The following RBM20 variants were observed in gnomAD, a reference collection of about 807,000 sequenced individuals.
RBM20 encodes RNA binding motif protein 20.
In RBM20, 51 loss-of-function variants were observed where a neutral mutation model predicts 110.1. The ratio of observed to expected loss-of-function variants is 0.46; its 90% CI spans 0.37 to 0.59. The LOEUF (loss-of-function observed/expected upper bound fraction) is 0.59, where lower values mean the gene tolerates loss of function less well. Ranked by LOEUF, RBM20 falls within the 20% of genes least tolerant of loss-of-function variation. RBM20 has a pLI of 0.00. For missense variants in RBM20, 1,512 were observed against 1,574.9 expected (o/e 0.96, Z 0.68); for synonymous variants, 589 against 618.2 (o/e 0.95, Z 0.70).
intron 1 of RBM20, among the ~76,000 whole-genome samples, chr10:110,654,121 G>A (rs1306039745): frequency 6.6e-6 from 1 of 152,184 alleles, no homozygotes. Context: ...GCTACCATGA[G>A]ACCCTCTGAA....
chr10:110,785,137 T>C (rs1322134242), intron 5 of RBM20, among the ~76,000 whole-genome samples: 2 of 152,186 alleles, frequency 1.3e-5, no homozygotes, highest in African/African-American at 4.8e-5. Context: ...CCTCTCTGTG[T>C]GCCAGTCACC....
intron 1 of RBM20, among the ~76,000 whole-genome samples, chr10:110,721,456 A>G (rs1843505135): frequency 6.6e-6 from 1 of 152,134 alleles, no homozygotes; most frequent in African/African-American, 2.4e-5. Context: ...GCCGTTTCCC[A>G]TGGGCCTTGG....
In RBM20 at chr10:110,714,187, C is replaced by A. The variant is rs190290820; in HGVS notation, c.192-66614C>A. Among the ~76,000 whole-genome samples, 1,011 of 152,208 alleles carry A rather than the reference C, an allele frequency of 6.6e-3. 4 individuals carry two copies. Among genetic ancestry groups the A allele is most frequent in the Non-Finnish European group, 0.01 (693 of 68,000 alleles). ...GTTGGGATTAGGGAATGGTAGGAGA[C>A]CCTCTTAAGAAAGAAAAGAGTGTTC... On this transcript the variant is annotated intron_variant, in intron 1 of 13. Coordinates refer to ENST00000369519, the MANE Select transcript of RBM20 (RefSeq NM_001134363.3).
chr10:110,702,063 C>T (rs1305018201), intron 1 of RBM20, among the ~76,000 whole-genome samples: 1 of 152,216 alleles, frequency 6.6e-6, no homozygotes, highest in Non-Finnish European at 1.5e-5. Flanking sequence ...AGGCACTGTG[C>T]TTTTTAGGCC....
At chr10:110,797,927 G>A (rs1844573130) in intron 6 of RBM20, among the ~76,000 whole-genome samples, 1 of 152,070 alleles carries the variant, frequency 6.6e-6, no homozygotes, top group South Asian at 2.1e-4. Context: ...AAGGGTAATT[G>A]GCACCCAAAA....
At chr10:110,716,679 C>G (rs1380641440) in intron 1 of RBM20, among the ~76,000 whole-genome samples, 1 of 151,744 alleles carries the variant, frequency 6.6e-6, no homozygotes, top group Non-Finnish European at 1.5e-5. Context: ...TTTGGGAGAC[C>G]GAGGTGGGCA....
At chr10:110,808,789 C>G (rs767109834) in intron 7 of RBM20, among the ~76,000 whole-genome samples, 4 of 152,130 alleles carry the variant, frequency 2.6e-5, no homozygotes, top group Admixed American at 6.5e-5. Flanking sequence ...TCTATCTCAA[C>G]AATAACAGAT....
At chr10:110,788,816 A>C (rs1844451001) in intron 5 of RBM20, among the ~76,000 whole-genome samples, 1 of 152,210 alleles carries the variant, frequency 6.6e-6, no homozygotes, top group Non-Finnish European at 1.5e-5. Context: ...ATCACCCCAA[A>C]GATAAGGGGT....
intron 1 of RBM20, among the ~76,000 whole-genome samples, chr10:110,654,197 G>A (rs956674622): frequency 2.0e-5 from 3 of 152,144 alleles, no homozygotes; most frequent in South Asian, 2.1e-4. Context: ...TATTTAAGGA[G>A]CAATTGTAAT....
intron 1 of RBM20, among the ~76,000 whole-genome samples, chr10:110,660,383 C>T (rs1296773310): frequency 1.3e-5 from 2 of 152,138 alleles, no homozygotes; most frequent in Non-Finnish European, 2.9e-5. Flanking sequence ...TGCTTTATTT[C>T]TTCCACTTGT....
intron 1 of RBM20, among the ~76,000 whole-genome samples, chr10:110,749,317 A>G (rs925070621): frequency 1.2e-4 from 19 of 152,246 alleles, no homozygotes; most frequent in Admixed American, 9.2e-4. Flanking sequence ...GTCCATGTAC[A>G]GAAAGCAATA....
chr10:110,744,355 G>A (rs1377394741), intron 1 of RBM20, among the ~76,000 whole-genome samples: 5 of 152,200 alleles, frequency 3.3e-5, no homozygotes, highest in African/African-American at 9.7e-5. Context: ...GTGACTGGGA[G>A]CTGTAGTTTC....
At chr10:110,738,117 G>C (rs1231659683) in intron 1 of RBM20, among the ~76,000 whole-genome samples, 2 of 152,210 alleles carry the variant, frequency 1.3e-5, no homozygotes, top group Non-Finnish European at 2.9e-5. Flanking sequence ...CCAAGGTAAG[G>C]TGGTGTGATT....
At chr10:110,737,839 C>G (rs1235556448) in intron 1 of RBM20, among the ~76,000 whole-genome samples, 1 of 152,144 alleles carries the variant, frequency 6.6e-6, no homozygotes, top group East Asian at 1.9e-4. Flanking sequence ...TAGTTTCTGG[C>G]TATTACAAAG....
chr10:110,803,894 C>T (rs887623631), intron 7 of RBM20, among the ~76,000 whole-genome samples: 2 of 144,952 alleles, frequency 1.4e-5, no homozygotes, highest in South Asian at 2.2e-4. Context: ...GCTGCAGGTG[C>T]GGCTGGATTC....
intron 1 of RBM20, among the ~76,000 whole-genome samples, chr10:110,706,812 G>T (rs1254000800): frequency 6.6e-6 from 1 of 152,150 alleles, no homozygotes; most frequent in Non-Finnish European, 1.5e-5. Flanking sequence ...CTCTGTCTTG[G>T]TCTTGCCTCC....
intron 1 of RBM20, among the ~76,000 whole-genome samples, chr10:110,765,884 A>AG (rs936042479): frequency 6.6e-6 from 1 of 151,982 alleles, no homozygotes; most frequent in East Asian, 1.9e-4. Flanking sequence ...TGAAGGGGAG[A>AG]GGGTTAATAT....
At chr10:110,776,068 G>A (rs1231364946) in intron 1 of RBM20, among the ~76,000 whole-genome samples, 2 of 152,168 alleles carry the variant, frequency 1.3e-5, no homozygotes, top group African/African-American at 4.8e-5. Flanking sequence ...GTTCCCCCAT[G>A]AGCCAATCAC....
intron 1 of RBM20, among the ~76,000 whole-genome samples, chr10:110,675,740 C>G (rs1049765276): frequency 2.6e-5 from 4 of 152,216 alleles, no homozygotes; most frequent in African/African-American, 7.2e-5. Flanking sequence ...GGCTCACATT[C>G]TGGCTCTACC....
Sources: allele counts gnomAD v4.1 joint callset (sites outside exome capture counted in the v4.1 genomes callset), GRCh38; gene constraint gnomAD v4.1.1; transcripts MANE v1.5; gene names NCBI Gene and HGNC (gene_info 2026-07-23, HGNC 2026-07-21).